ZFAND3: variants seen among roughly 807,000 people sequenced by gnomAD.
ZFAND3 encodes zinc finger AN1-type containing 3.
A neutral mutation model predicts 29.6 loss-of-function variants in ZFAND3; 10 were observed. That is an observed-to-expected ratio of 0.34 (90% CI 0.21 to 0.57). ZFAND3 has a LOEUF of 0.57. Among genes scored for constraint, ZFAND3 ranks in the 20% least tolerant of loss-of-function variants. The pLI is 0.86. For synonymous variants in ZFAND3, 128 were observed against 112.6 expected, an observed-to-expected ratio of 1.14 and a Z score of -0.87; for missense variants, 230 against 304.5, an observed-to-expected ratio of 0.76 and a Z score of 1.82.
Position 38,029,899 on chromosome 6 carries a change from A to T in ZFAND3, c.113-31694A>T, listed in dbSNP as rs1046656919. 2.0e-5 allele frequency among the ~76,000 whole-genome samples: 3 copies of T among 152,004 alleles called. No homozygotes were observed. In the East Asian group the frequency reaches 5.8e-4, roughly 29 times the overall value. ...AGCTTTTACTGATTAGAGCAAATAC[A>T]AATAAGAAAAACATAAAGTTTATAT... On this transcript the variant is annotated intron_variant, in intron 2 of 5. Transcript: ENST00000287218.
intron 2 of ZFAND3, among the ~76,000 whole-genome samples, chr6:38,034,195 T>G (rs1763615065): frequency 6.6e-6 from 1 of 152,180 alleles, no homozygotes; most frequent in Non-Finnish European, 1.5e-5. Context: ...TACAGTGTTT[T>G]TATTTAGTGG....
chr6:37,895,740 A>G (rs1469995852), intron 1 of ZFAND3, among the ~76,000 whole-genome samples: 2 of 152,030 alleles, frequency 1.3e-5, no homozygotes, highest in South Asian at 2.1e-4. Flanking sequence ...CCTTGTTTTC[A>G]TAGATATTTT....
At chr6:38,113,550 A>T (rs890950401) in intron 4 of ZFAND3, among the ~76,000 whole-genome samples, 1 of 152,220 alleles carries the variant, frequency 6.6e-6, no homozygotes, top group Admixed American at 6.5e-5. Flanking sequence ...TGGGGAATTA[A>T]GAGAAAAAGA....
intron 4 of ZFAND3, among the ~76,000 whole-genome samples, chr6:38,086,268 AT>A (rs1764755184): frequency 6.6e-6 from 1 of 152,194 alleles, no homozygotes; most frequent in South Asian, 2.1e-4. Context: ...TTAAAAAAAA[AT>A]AAAAAAGCAA....
At chr6:37,854,841 C>T (rs1264341672) in intron 1 of ZFAND3, among the ~76,000 whole-genome samples, 2 of 138,754 alleles carry the variant, frequency 1.4e-5, no homozygotes, top group Non-Finnish European at 3.1e-5. Flanking sequence ...TCATGCTTAA[C>T]AGAAGCTCTG....
intron 3 of ZFAND3, among the ~76,000 whole-genome samples, chr6:38,073,993 T>G (rs747981112): frequency 6.6e-6 from 1 of 152,204 alleles, no homozygotes; most frequent in Non-Finnish European, 1.5e-5. Flanking sequence ...TATTTACACT[T>G]AGTACATCAG....
intron 2 of ZFAND3, among the ~76,000 whole-genome samples, chr6:38,046,979 G>C (rs1581869377): frequency 6.6e-6 from 1 of 151,964 alleles, no homozygotes; most frequent in East Asian, 1.9e-4. Context: ...CAGAGTTAGA[G>C]CTAAAGTGTA....
chr6:38,135,471 G>A (rs769409609), intron 5 of ZFAND3, among the ~76,000 whole-genome samples: 8 of 152,220 alleles, frequency 5.3e-5, no homozygotes, highest in Non-Finnish European at 1.0e-4. Flanking sequence ...GAGGCCGGCC[G>A]TGGTGGCTCA....
At chr6:37,980,974 C>T (rs959181310) in intron 2 of ZFAND3, among the ~76,000 whole-genome samples, 10 of 152,138 alleles carry the variant, frequency 6.6e-5, no homozygotes, top group Non-Finnish European at 1.5e-4. Flanking sequence ...TATTTCTCTG[C>T]TTTCTATTTG....
At chr6:37,838,053 C>T (rs1481895134) in intron 1 of ZFAND3, among the ~76,000 whole-genome samples, 1 of 152,186 alleles carries the variant, frequency 6.6e-6, no homozygotes, top group Non-Finnish European at 1.5e-5. Flanking sequence ...GGGCTGCAAT[C>T]TGGGTGGTGC....
chr6:37,961,422 G>T (rs1056392306), intron 2 of ZFAND3, among the ~76,000 whole-genome samples: 5 of 152,230 alleles, frequency 3.3e-5, no homozygotes, highest in African/African-American at 9.6e-5. Flanking sequence ...AGGATCCTGG[G>T]GGAGCTTGCT....
intron 2 of ZFAND3, among the ~76,000 whole-genome samples, chr6:37,956,272 C>CT (rs1359289276): frequency 6.6e-6 from 1 of 152,178 alleles, no homozygotes; most frequent in Non-Finnish European, 1.5e-5. Flanking sequence ...GGGCCACACT[C>CT]TACAGAGTTT....
chr6:37,823,782 A>C (rs1349267753), intron 1 of ZFAND3, among the ~76,000 whole-genome samples: 1 of 149,296 alleles, frequency 6.7e-6, no homozygotes, highest in Non-Finnish European at 1.5e-5. Flanking sequence ...TTATATATGT[A>C]TTTTTTTGTA....
intron 2 of ZFAND3, among the ~76,000 whole-genome samples, chr6:38,013,639 TAGAACC>T (rs1321786032): frequency 6.6e-6 from 1 of 152,142 alleles, no homozygotes. Flanking sequence ...CACATTTTCC[TAGAACC>T]AGTATTTCAA....
At chr6:38,006,521 A>C (rs759822829) in intron 2 of ZFAND3, among the ~76,000 whole-genome samples, 1 of 152,114 alleles carries the variant, frequency 6.6e-6, no homozygotes, top group African/African-American at 2.4e-5. Flanking sequence ...ACCTGCTTGC[A>C]TGCAGCTAAG....
At chr6:38,054,397 T>TC (rs1764093063) in intron 2 of ZFAND3, among the ~76,000 whole-genome samples, 1 of 102,346 alleles carries the variant, frequency 9.8e-6, no homozygotes, top group Non-Finnish European at 2.2e-5. Flanking sequence ...CTGTCTCAAA[T>TC]TAAAAAAAAA....
chr6:37,984,959 G>C (rs1762641317), intron 2 of ZFAND3, among the ~76,000 whole-genome samples: 1 of 152,160 alleles, frequency 6.6e-6, no homozygotes, highest in Non-Finnish European at 1.5e-5. Context: ...TCAAAAAGTT[G>C]AATGTGAAAA....
intron 1 of ZFAND3, among the ~76,000 whole-genome samples, chr6:37,897,599 C>G (rs1040210903): frequency 3.3e-5 from 5 of 152,206 alleles, no homozygotes; most frequent in African/African-American, 1.2e-4. Flanking sequence ...CCAGTTTACT[C>G]TCCCAGCATC....
chr6:37,844,552 A>G (rs1764142567), intron 1 of ZFAND3, among the ~76,000 whole-genome samples: 1 of 152,018 alleles, frequency 6.6e-6, no homozygotes, highest in African/African-American at 2.4e-5. Context: ...AAGGGCTGAG[A>G]TAACAGGCGT....
Sources: gnomAD v4.1 joint callset for allele counts (sites outside exome capture counted in the v4.1 genomes callset) on GRCh38, gnomAD v4.1.1 for gene constraint, MANE v1.5 for transcripts, NCBI Gene and HGNC (gene_info 2026-07-23, HGNC 2026-07-21) for gene names.